Variants in EHMT1 observed in about 807,000 individuals in gnomAD.
The protein encoded by EHMT1 is euchromatic histone lysine methyltransferase 1, also known as histone-lysine N-methyltransferase EHMT1.
EHMT1 carries 15 observed loss-of-function variants against 147.2 expected under a neutral mutation model. The observed-to-expected ratio is 0.10, with a 90% CI of 0.07 to 0.16. The LOEUF (loss-of-function observed/expected upper bound fraction) is 0.16, where lower values mean the gene tolerates loss of function less well. EHMT1 is among the 10% of genes least tolerant of loss of function. The probability of loss-of-function intolerance (pLI) is 1.00; values close to 1 mark genes in which losing one functional copy is unlikely to be tolerated. For synonymous variants in EHMT1, 795 were observed against 709.6 expected, an observed-to-expected ratio of 1.12 and a Z score of -1.91; for missense variants, 1,587 against 1,772.4, an observed-to-expected ratio of 0.90 and a Z score of 1.88.
rs571856826 is a variant in EHMT1 at position 137,703,318 on chromosome 9, C to G, written c.22-7649C>G. On this transcript the variant is annotated intron_variant, in intron 1 of 26. Coordinates refer to ENST00000460843, the MANE Select transcript of EHMT1 (RefSeq NM_024757.5). ...CAAATTTCTGTAGCTGGCTTGAACC[C>G]CTTCCCTGAAAAATGTGCTTTTTTT... Among the ~76,000 whole-genome samples, 17 of 152,326 alleles carry G rather than the reference C, an allele frequency of 1.1e-4. No homozygotes were observed. The East Asian group carries it at 3.3e-3, about 29-fold the overall frequency.
intron 25 of EHMT1, among the ~76,000 whole-genome samples, chr9:137,833,916 G>A (rs915114106): frequency 1.3e-5 from 2 of 152,208 alleles, no homozygotes; most frequent in Non-Finnish European, 2.9e-5. Flanking sequence ...AGTGTGTCCC[G>A]GATGCCAGCT....
Position 137,743,590 on chromosome 9 carries a change from C to A in EHMT1, c.981+62C>A, listed in dbSNP as rs1195696781. 45 of 1,610,222 alleles carry A rather than the reference C, an allele frequency of 2.8e-5. No individual in the cohort carries two copies. The Middle Eastern group carries it at 4.9e-4, about 18-fold the overall frequency. ...TGGAAATGCGTTTCTGTGTTCAGGG[C>A]CTCGTTATCAGTAATTTGGGTGACC... On this transcript the variant is annotated intron_variant, in intron 5 of 26. Coordinates refer to ENST00000460843, the MANE Select transcript of EHMT1 (RefSeq NM_024757.5).
At chr9:137,658,581 T>TA (rs1486090540) in intron 1 of EHMT1, among the ~76,000 whole-genome samples, 1 of 152,144 alleles carries the variant, frequency 6.6e-6, no homozygotes, top group Non-Finnish European at 1.5e-5. Flanking sequence ...TGTTTTTTTT[T>TA]AATGGCTTTT....
rs1301264602 is a variant in EHMT1, at chr9:137,743,472, C to G, written c.925C>G (p.Gln309Glu). The change falls in exon 5 of 27, where the codon CAG (glutamine) becomes GAG (glutamate). Residue 309 changes from glutamine to glutamate, a missense_variant. Gln to Glu is a conservative substitution (Grantham distance 29). Around this residue, in one of 7 missense-constraint regions of EHMT1, gnomAD observed 810 missense variants for 673.0 expected, o/e 1.20. Transcript: ENST00000460843. ...VPKKKTKVLK[Q>E]RTVIEMFKSI... ...TAAGAAAAAGACCAAAGTATTAAAA[C>G]AGAGGACGGTGATTGAGATGTTTAA... 7 of 1,613,304 alleles carry G rather than the reference C, an allele frequency of 4.3e-6. No homozygotes were observed. The Admixed American group carries it at 1.2e-4, about 27-fold the overall frequency.
In EHMT1 at chr9:137,732,353, C is replaced by T. The variant is rs1219709304; in HGVS notation, c.823+3824C>T. Among the ~76,000 whole-genome samples, 1 of 152,208 alleles carries T rather than the reference C, an allele frequency of 6.6e-6. No homozygotes were observed. Among genetic ancestry groups the T allele is most frequent in the East Asian group, 1.9e-4 (1 of 5,196 alleles). On this transcript the variant is annotated intron_variant, in intron 4 of 26. Transcript: ENST00000460843. This position sits in a 1 kb window ranked among gnomAD's most constrained non-coding sequence, Gnocchi z 4.6. ...ACAGCCCTTTTTGCACCCGCTGTTG[C>T]GTGGGTCCCGAGTTCTTGTCTTGGG...
At chr9:137,728,771 G>A (rs1946845413) in intron 4 of EHMT1, among the ~76,000 whole-genome samples, 1 of 152,178 alleles carries the variant, frequency 6.6e-6, no homozygotes, top group Admixed American at 6.5e-5. Context: ...GATGAAGACT[G>A]TTTTCTTTAC....
Position 137,716,607 on chromosome 9 carries a change from C to G in EHMT1, c.86-19C>G. The stretch of plus-strand genomic sequence containing the variant: ...AGAGCGTGGCCTGCAGTCAGTGACA[C>G]TCGTTTCTTTGTTGGCAGAGACACC... On this transcript the variant is annotated intron_variant, in intron 2 of 26. Transcript: ENST00000460843. 6.5e-7 allele frequency: 1 copy of G among 1,542,108 alleles called. No homozygotes were observed. Among genetic ancestry groups the G allele is most frequent in the Non-Finnish European group, 8.7e-7 (1 of 1,143,346 alleles).
rs1951608334 is a variant in EHMT1 at position 137,782,155 on chromosome 9, G to A, written c.2276-136G>A. ...AAGTCCAGAGGATGGTGCTGTGGGC[G>A]GGTTCCGGCGTGGCTCGAGGTGGCT... is the stretch of plus-strand genomic sequence containing the variant. On this transcript the variant is annotated intron_variant, in intron 14 of 26. Transcript: ENST00000460843. This position sits in a 1 kb window ranked among gnomAD's most constrained non-coding sequence, Gnocchi z 5.7. 1.1e-5 allele frequency: 8 copies of A among 749,352 alleles called. No homozygotes were observed. Among genetic ancestry groups the A allele is most frequent in the Admixed American group, 2.0e-5 (1 of 49,406 alleles). The allele number at this position is 749,352 out of a possible 1,614,324, so 46.4% of individuals were successfully genotyped here.
Position 137,754,429 on chromosome 9 carries a change from C to G in EHMT1, c.1369+138C>G, listed in dbSNP as rs140110674. 14 of 1,286,844 alleles carry G rather than the reference C, an allele frequency of 1.1e-5. No homozygotes were observed. The African/African-American group carries it at 1.8e-4, about 17-fold the overall frequency. The allele number at this position is 1,286,844 out of a possible 1,614,324, so 79.7% of individuals were successfully genotyped here. On this transcript the variant is annotated intron_variant, in intron 8 of 26. Coordinates refer to ENST00000460843, the MANE Select transcript of EHMT1 (RefSeq NM_024757.5). Reference sequence around the variant, plus strand: ...TGTTTAAAAAAAATGTTTGAAATGACTTTGTTAGAGAAACTCAAGTGATTC... The same window carrying G: ...TGTTTAAAAAAAATGTTTGAAATGAGTTTGTTAGAGAAACTCAAGTGATTC...
At chr9:137,815,118 T>C (rs1450621112) in intron 22 of EHMT1, among the ~76,000 whole-genome samples, 1 of 151,894 alleles carries the variant, frequency 6.6e-6, no homozygotes, top group East Asian at 1.9e-4. Context: ...GAAGCCAGCA[T>C]GGCCTGGGTA....
At chr9:137,770,712 G>T (rs1950537142) in intron 10 of EHMT1, among the ~76,000 whole-genome samples, 1 of 152,146 alleles carries the variant, frequency 6.6e-6, no homozygotes, top group Non-Finnish European at 1.5e-5. Context: ...ATCCATGTAG[G>T]CCTCACACCA....
At chr9:137,821,271 G>A (rs1318715895) in intron 25 of EHMT1, among the ~76,000 whole-genome samples, 3 of 149,628 alleles carry the variant, frequency 2.0e-5, no homozygotes, top group Admixed American at 6.7e-5. Context: ...CACCTGCCTC[G>A]GCCTCCCAAA....
chr9:137,653,738 C>T (rs946305001), intron 1 of EHMT1, among the ~76,000 whole-genome samples: 8 of 152,016 alleles, frequency 5.3e-5, no homozygotes, highest in South Asian at 4.2e-4. Context: ...ATGTTGCCCA[C>T]GCTGGTCTTG....
At chr9:137,771,740 C>T (rs1363966820) in intron 10 of EHMT1, among the ~76,000 whole-genome samples, 2 of 152,196 alleles carry the variant, frequency 1.3e-5, no homozygotes, top group African/African-American at 4.8e-5. Context: ...TGGACTTTGT[C>T]TGTTCATGCT....
chr9:137,803,199 A>G, intron 18 of EHMT1: 2 of 1,191,706 alleles, frequency 1.7e-6, no homozygotes, highest in Non-Finnish European at 2.1e-6. Flanking sequence ...TTATTTATAC[A>G]ATGAAACACT....
chr9:137,727,611 A>G (rs920542959), intron 3 of EHMT1, among the ~76,000 whole-genome samples: 6 of 152,258 alleles, frequency 3.9e-5, no homozygotes, highest in Middle Eastern at 3.4e-3. Context: ...TGCACCCACT[A>G]TGTGCACAGT....
At chr9:137,766,140 T>TTGAG (rs1202672021) in intron 10 of EHMT1, among the ~76,000 whole-genome samples, 3 of 152,174 alleles carry the variant, frequency 2.0e-5, no homozygotes, top group Admixed American at 2.0e-4. Flanking sequence ...TGTAGTACTC[T>TTGAG]TGAGTGTGGG....
intron 1 of EHMT1, among the ~76,000 whole-genome samples, chr9:137,642,450 C>T (rs1004958862): frequency 2.6e-5 from 4 of 151,794 alleles, no homozygotes; most frequent in African/African-American, 4.9e-5. Context: ...GGACTGCAGG[C>T]GTACCACAAC....
At chr9:137,703,774 T>G (rs1248195856) in intron 1 of EHMT1, among the ~76,000 whole-genome samples, 2 of 152,138 alleles carry the variant, frequency 1.3e-5, no homozygotes, top group African/African-American at 4.8e-5. Context: ...TGTTCAAACT[T>G]CGGCCCATTA....
Sources: gnomAD v4.1 joint callset for allele counts (sites outside exome capture counted in the v4.1 genomes callset) on GRCh38, gnomAD v4.1.1 for gene constraint, gnomAD v4.1.1 regional missense constraint, Gnocchi (gnomAD v3.1) non-coding constraint, MANE v1.5 for transcripts, NCBI Gene and HGNC (gene_info 2026-07-23, HGNC 2026-07-21) for gene names.